Variants in DYNC2H1 observed in about 807,000 individuals in gnomAD.
The protein encoded by DYNC2H1 is cytoplasmic dynein 2 heavy chain 1.
A neutral mutation model predicts 570.0 loss-of-function variants in DYNC2H1; 410 were observed. The observed-to-expected ratio is 0.72, with a 90% CI of 0.66 to 0.78. DYNC2H1 has a LOEUF of 0.78. DYNC2H1 is among the 30% of genes least tolerant of loss of function. The pLI, the probability that DYNC2H1 is intolerant of heterozygous loss-of-function variation, is 0.00. For synonymous variants in DYNC2H1, 1,688 were observed against 1,677.6 expected, an observed-to-expected ratio of 1.01 and a Z score of -0.15; for missense variants, 4,865 against 5,046.4, an observed-to-expected ratio of 0.96 and a Z score of 1.09.
chr11:103,200,466 T>G (rs1430923355), intron 50 of DYNC2H1, among the ~76,000 whole-genome samples: 1 of 152,212 alleles, frequency 6.6e-6, no homozygotes, highest in Non-Finnish European at 1.5e-5. Context: ...TAGGACTTAT[T>G]AAAAGCTGTG....
intron 83 of DYNC2H1, among the ~76,000 whole-genome samples, chr11:103,382,670 C>G (rs1941703870): frequency 6.6e-6 from 1 of 152,136 alleles, no homozygotes. Context: ...TTTTTGCTAA[C>G]ACTTCTGAAA....
At chr11:103,208,584 C>T (rs1486590282) in intron 52 of DYNC2H1, among the ~76,000 whole-genome samples, 1 of 152,100 alleles carries the variant, frequency 6.6e-6, no homozygotes, top group African/African-American at 2.4e-5. Context: ...CATTAAAAGC[C>T]AGATTGGGGA....
At chr11:103,148,329 C>A (rs796164702) in intron 19 of DYNC2H1, among the ~76,000 whole-genome samples, 161 bp from the exon 20 acceptor site, 1 of 152,100 alleles carries the variant, frequency 6.6e-6, no homozygotes, top group South Asian at 2.1e-4. Flanking sequence ...TTTGCTTATT[C>A]CACATCTTGA....
intron 29 of DYNC2H1, 44 bp downstream of exon 29, chr11:103,161,088 A>G (rs1467012910): frequency 1.9e-6 from 2 of 1,081,030 alleles, no homozygotes; most frequent in South Asian, 3.7e-5. Flanking sequence ...AGAATTAACT[A>G]TATATGAACT....
chr11:103,135,224 C>G (rs1859475669), intron 15 of DYNC2H1, among the ~76,000 whole-genome samples: 2 of 151,828 alleles, frequency 1.3e-5, no homozygotes, highest in African/African-American at 4.8e-5. Context: ...AAAATAAAGT[C>G]CAAATATGAA....
rs753459407 is a variant in DYNC2H1 at position 103,334,161 on chromosome 11, C to T, written c.12039+10171C>T. On this transcript the variant is annotated intron_variant, in intron 82 of 88. Coordinates refer to ENST00000375735, the MANE Select transcript of DYNC2H1 (RefSeq NM_001377.3). The surrounding 1 kb of genome is among the most constrained non-coding windows in gnomAD (Gnocchi z 4.3). The stretch of plus-strand genomic sequence containing the variant: ...ACTAATTTAATGATTTGAATGAAAT[C>T]GAGATACAATAAAATCTTAATTTAA... Among the ~76,000 whole-genome samples the T allele has an allele frequency of 6.6e-5, 10 of 152,106 alleles. No homozygotes were observed. The highest frequency in any genetic ancestry group is 2.1e-4 in the South Asian group (1 of 4,832).
intron 82 of DYNC2H1, among the ~76,000 whole-genome samples, chr11:103,330,761 G>T (rs1402965038): frequency 6.6e-6 from 1 of 151,614 alleles, no homozygotes; most frequent in Non-Finnish European, 1.5e-5. Flanking sequence ...ACTGAAACTG[G>T]CCGGTCACAG....
In DYNC2H1 at chr11:103,305,225, A is replaced by G. The variant is rs1447029984; in HGVS notation, c.11382+505A>G. On this transcript the variant is annotated intron_variant, in intron 77 of 88. Transcript: ENST00000375735. The surrounding 1 kb of genome is among the most constrained non-coding windows in gnomAD (Gnocchi z 4.3). ...GATTTTATTCTAGTGCTTATTTAAG[A>G]AAGATGAGTAGGGTCTTGGGTAGTT... Among the ~76,000 whole-genome samples the G allele has an allele frequency of 6.6e-6, 1 of 152,230 alleles. No individual in the cohort carries two copies. Among genetic ancestry groups the G allele is most frequent in the Non-Finnish European group, 1.5e-5 (1 of 68,038 alleles).
At chr11:103,458,871 T>G (rs976784112) in intron 87 of DYNC2H1, among the ~76,000 whole-genome samples, 2 of 152,000 alleles carry the variant, frequency 1.3e-5, no homozygotes, top group Non-Finnish European at 2.9e-5. Flanking sequence ...TTTTTCCAGT[T>G]AAAAACTTCA....
rs1241105888 is a variant in DYNC2H1 at position 103,326,706 on chromosome 11, C to T, written c.12039+2716C>T. On this transcript the variant is annotated intron_variant, in intron 82 of 88. Coordinates refer to ENST00000375735, the MANE Select transcript of DYNC2H1 (RefSeq NM_001377.3). This position sits in a 1 kb window ranked among gnomAD's most constrained non-coding sequence, Gnocchi z 6.1. ...AGGCTGCGTTGTGCACACGATCCTG[C>T]GGGGTGGCTATGGAGGGGCTCGGCA... Among the ~76,000 whole-genome samples, 1 of 152,170 alleles carries T rather than the reference C, an allele frequency of 6.6e-6. No homozygotes were observed. Among genetic ancestry groups the T allele is most frequent in the Admixed American group, 6.5e-5 (1 of 15,282 alleles).
Position 103,122,880 on chromosome 11 carries a change from G to A in DYNC2H1, c.1541G>A (p.Arg514Gln), listed in dbSNP as rs377567443. The A allele has an allele frequency of 2.9e-5, 47 of 1,612,982 alleles. No homozygotes were observed. Among genetic ancestry groups the A allele is most frequent in the Middle Eastern group, 1.6e-4 (1 of 6,080 alleles). ...EALLSDLPGF[R>Q]CFHQSAKDLL... ...CTTTTATCTGACTTGCCAGGATTTC[G>A]ATGTTTCCATCAAAGTGCCAAAGAT... Residue 514 changes from arginine to glutamine, a missense_variant, in exon 11 of 89, where the codon CGA (arginine) becomes CAA (glutamine). Around this residue, in one of 5 missense-constraint regions of DYNC2H1, gnomAD observed 1,936 missense variants for 1,962.1 expected, o/e 0.99. Coordinates refer to ENST00000375735, the MANE Select transcript of DYNC2H1 (RefSeq NM_001377.3).
chr11:103,186,753 A>G lies in DYNC2H1; in HGVS notation c.6893+252A>G. On this transcript the variant is annotated intron_variant, in intron 42 of 88. Transcript: ENST00000375735. The surrounding 1 kb of genome is among the most constrained non-coding windows in gnomAD (Gnocchi z 4.5). ...ACTCTTAAAAATTATCCGTCCATAT[A>G]ATACAGCAAAAAAAAAAAAAAGAAT... Among the ~76,000 whole-genome samples, 1 of 133,116 alleles carries G rather than the reference A, an allele frequency of 7.5e-6. No homozygotes were observed. The highest frequency in any genetic ancestry group is 1.6e-5 in the Non-Finnish European group (1 of 61,234). 87.3% of individuals were successfully genotyped at this position (133,116 alleles called of 152,430 possible).
rs1858666905 is a variant in DYNC2H1, at chr11:103,120,830, A to T, written c.1248+28A>T. On this transcript the variant is annotated intron_variant, in intron 8 of 88. Transcript: ENST00000375735. The stretch of plus-strand genomic sequence containing the variant: ...AAAACATTGAGATATTTCACTTTTA[A>T]TATTTCTCTTAAGCTAATATATATA... The T allele has an allele frequency of 2.9e-6, 4 of 1,356,250 alleles. No homozygotes were observed. The Admixed American group carries it at 1.1e-4, about 38-fold the overall frequency. 84.0% of individuals were successfully genotyped at this position (1,356,250 alleles called of 1,614,324 possible).
chr11:103,475,583 A>G (rs766110871), intron 88 of DYNC2H1, among the ~76,000 whole-genome samples: 5 of 152,186 alleles, frequency 3.3e-5, no homozygotes, highest in Non-Finnish European at 5.9e-5. Flanking sequence ...ACTTTTTTAC[A>G]GAAGTAACAT....
chr11:103,256,141 T>A lies in DYNC2H1; in HGVS notation c.10362T>A (p.Asn3454Lys). Residue 3454 changes from asparagine to lysine, a missense_variant, in exon 68 of 89, where the codon AAT becomes AAA. Physicochemically the swap from Asn to Lys is moderately conservative, Grantham distance 94. Coordinates refer to ENST00000375735, the MANE Select transcript of DYNC2H1 (RefSeq NM_001377.3). This position sits in a 1 kb window ranked among gnomAD's most constrained non-coding sequence, Gnocchi z 4.0. Reference protein sequence around the residue: ...LATSQGNILENKDLIESLNQT... With the variant: ...LATSQGNILEKKDLIESLNQT... ...CATCTCAAGGCAATATTTTGGAAAA[T>A]AAGGATTTGATTGAGTCTTTGAATC... The A allele has an allele frequency of 6.2e-7, 1 of 1,607,906 alleles. No individual in the cohort carries two copies. The highest frequency in any genetic ancestry group is 8.5e-7 in the Non-Finnish European group (1 of 1,176,590).
chr11:103,169,245 CAAGGAG>C (rs1861467590), intron 32 of DYNC2H1, among the ~76,000 whole-genome samples: 1 of 152,006 alleles, frequency 6.6e-6, no homozygotes. Flanking sequence ...TATCTTCATC[CAAGGAG>C]AACTGAATAT....
chr11:103,409,927 T>C (rs779301376), intron 84 of DYNC2H1, among the ~76,000 whole-genome samples: 5 of 152,162 alleles, frequency 3.3e-5, no homozygotes, highest in Non-Finnish European at 7.4e-5. Flanking sequence ...TATGGTACTA[T>C]GTCTATTGTG....
At position 103,334,927 on chromosome 11, in the gene DYNC2H1, T is replaced by A. The variant is rs935127415; in HGVS notation, c.12039+10937T>A. On this transcript the variant is annotated intron_variant, in intron 82 of 88. Transcript: ENST00000375735. This position sits in a 1 kb window ranked among gnomAD's most constrained non-coding sequence, Gnocchi z 4.3. ...CTTTCAGCTGTAAAATGAACCTTTT[T>A]AAACAAATAAAAAACACCAGAGAAA... Among the ~76,000 whole-genome samples the A allele has an allele frequency of 6.6e-6, 1 of 152,100 alleles. No individual in the cohort carries two copies. Among genetic ancestry groups the A allele is most frequent in the Non-Finnish European group, 1.5e-5 (1 of 67,950 alleles).
At chr11:103,440,544 T>C (rs1368810035) in intron 85 of DYNC2H1, among the ~76,000 whole-genome samples, 1 of 152,154 alleles carries the variant, frequency 6.6e-6, no homozygotes, top group African/African-American at 2.4e-5. Context: ...ACCTTGAAGT[T>C]TGGGGAGATC....
Sources: gnomAD v4.1 joint callset for allele counts (sites outside exome capture counted in the v4.1 genomes callset) on GRCh38, gnomAD v4.1.1 for gene constraint, gnomAD v4.1.1 regional missense constraint, Gnocchi (gnomAD v3.1) non-coding constraint, MANE v1.5 for transcripts, NCBI Gene and HGNC (gene_info 2026-07-23, HGNC 2026-07-21) for gene names.